SLC24A2: variants seen among roughly 807,000 people sequenced by gnomAD.
SLC24A2 encodes sodium/potassium/calcium exchanger 2.
Under a neutral mutation model 62.0 loss-of-function variants are expected in SLC24A2, and 36 were observed. The ratio of observed to expected loss-of-function variants is 0.58; its 90% CI spans 0.44 to 0.77. SLC24A2 has a LOEUF of 0.77. Ranked by LOEUF, SLC24A2 falls within the 30% of genes least tolerant of loss-of-function variation. The pLI, the probability that SLC24A2 is intolerant of heterozygous loss-of-function variation, is 0.00. For missense variants in SLC24A2, 846 were observed against 817.9 expected, an observed-to-expected ratio of 1.03 and a Z score of -0.42; for synonymous variants, 358 against 294.0, an observed-to-expected ratio of 1.22 and a Z score of -2.23.
the SLC24A2 span, among the ~76,000 whole-genome samples, chr9:20,108,038 G>A: frequency 2.0e-5 from 3 of 152,196 alleles, no homozygotes; most frequent in African/African-American, 7.2e-5. Context: ...AGTGGTTGAA[G>A]GACATGAACA....
the SLC24A2 span, among the ~76,000 whole-genome samples, chr9:19,933,282 A>G: frequency 6.6e-6 from 1 of 152,232 alleles, no homozygotes; most frequent in African/African-American, 2.4e-5. Flanking sequence ...CACATACTCA[A>G]ACAATTCTAT....
the SLC24A2 span, among the ~76,000 whole-genome samples, chr9:19,849,705 T>C: frequency 6.6e-6 from 1 of 152,200 alleles, no homozygotes; most frequent in Non-Finnish European, 1.5e-5. Flanking sequence ...AGACTTTCTG[T>C]CATGTATCCA....
the SLC24A2 span, chr9:19,929,574 C>T: frequency 6.6e-6 from 1 of 152,160 alleles, no homozygotes; most frequent in African/African-American, 2.4e-5. Context: ...CATACAATTA[C>T]ATACAGTACG....
chr9:19,731,736 T>C (rs541909477), intron 2 of SLC24A2, among the ~76,000 whole-genome samples: 31 of 152,346 alleles, frequency 2.0e-4, no homozygotes, highest in African/African-American at 6.5e-4. Flanking sequence ...GACTAATACA[T>C]GTAGCATAGG....
the SLC24A2 span, chr9:19,896,048 G>A: frequency 8.5e-6 from 11 of 1,291,990 alleles, no homozygotes; most frequent in South Asian, 1.2e-4. Context: ...TTGCCTCTGG[G>A]ATGCCTTGCT....
chr9:19,564,827 C>A (rs528704628), intron 7 of SLC24A2, among the ~76,000 whole-genome samples: 1 of 152,114 alleles, frequency 6.6e-6, no homozygotes, highest in South Asian at 2.1e-4. Flanking sequence ...TCATTGTGAG[C>A]GTATTTAAAT....
chr9:19,568,510 T>C (rs1045207028), intron 7 of SLC24A2, among the ~76,000 whole-genome samples: 1 of 152,246 alleles, frequency 6.6e-6, no homozygotes, highest in Non-Finnish European at 1.5e-5. Context: ...GCAGTGCTTA[T>C]AATGTGCCAA....
At chr9:19,954,171 C>G in the SLC24A2 span, among the ~76,000 whole-genome samples, 1 of 152,180 alleles carries the variant, frequency 6.6e-6, no homozygotes, top group African/African-American at 2.4e-5. Context: ...TGTATTTAAA[C>G]ATGATTTTAC....
At chr9:19,565,402 T>C (rs1312801165) in intron 7 of SLC24A2, among the ~76,000 whole-genome samples, 1 of 150,196 alleles carries the variant, frequency 6.7e-6, no homozygotes, top group African/African-American at 2.5e-5. Context: ...GGAATCCAAC[T>C]TACAAGGGAT....
chr9:20,189,092 T>TC, the SLC24A2 span, among the ~76,000 whole-genome samples: 59,011 of 142,608 alleles, frequency 0.41, 12,984 homozygotes, highest in African/African-American at 0.6. Flanking sequence ...TTTTTTTTTT[T>TC]CCCAGTTGAT....
At chr9:19,577,855 T>A (rs959852128) in intron 5 of SLC24A2, among the ~76,000 whole-genome samples, 29 of 148,272 alleles carry the variant, frequency 2.0e-4, no homozygotes, top group African/African-American at 6.4e-4. Flanking sequence ...ATATATAAAA[T>A]ATATATATAA....
intron 2 of SLC24A2, among the ~76,000 whole-genome samples, chr9:19,721,613 A>C (rs892653931): frequency 1.3e-5 from 2 of 152,168 alleles, no homozygotes; most frequent in African/African-American, 4.8e-5. Flanking sequence ...AAATCTTAAA[A>C]GCATTAAAAT....
At chr9:20,142,917 G>A in the SLC24A2 span, among the ~76,000 whole-genome samples, 1 of 152,094 alleles carries the variant, frequency 6.6e-6, no homozygotes, top group African/African-American at 2.4e-5. Flanking sequence ...TATACGACCT[G>A]AAGAAGGAAG....
the SLC24A2 span, among the ~76,000 whole-genome samples, chr9:20,041,920 C>T: frequency 3.3e-5 from 5 of 152,232 alleles, no homozygotes; most frequent in African/African-American, 4.8e-5. Flanking sequence ...GGCTTGCTGC[C>T]GAGAGCCCCC....
At chr9:19,996,968 G>A in the SLC24A2 span, among the ~76,000 whole-genome samples, 1 of 151,768 alleles carries the variant, frequency 6.6e-6, no homozygotes, top group Non-Finnish European at 1.5e-5. Flanking sequence ...TGAAGTAAAG[G>A]AGAACAAGAC....
chr9:20,242,474 G>C, the SLC24A2 span, among the ~76,000 whole-genome samples: 1 of 152,304 alleles, frequency 6.6e-6, no homozygotes. Context: ...GTTCAGAATT[G>C]TCCTCCAAAT....
At chr9:20,208,972 C>T in the SLC24A2 span, among the ~76,000 whole-genome samples, 8 of 152,198 alleles carry the variant, frequency 5.3e-5, no homozygotes, top group African/African-American at 1.4e-4. Context: ...GTTCAAACTA[C>T]GGCTCAACTG....
the SLC24A2 span, among the ~76,000 whole-genome samples, chr9:19,886,838 G>A: frequency 1.3e-5 from 2 of 152,222 alleles, no homozygotes; most frequent in African/African-American, 4.8e-5. Context: ...TGAATAAAAT[G>A]TGGTACATAT....
chr9:20,091,953 G>T, the SLC24A2 span, among the ~76,000 whole-genome samples: 1 of 152,164 alleles, frequency 6.6e-6, no homozygotes, highest in East Asian at 1.9e-4. Flanking sequence ...AACATGGATG[G>T]AGCTGGAGGA....
Sources: gnomAD v4.1 joint callset for allele counts (sites outside exome capture counted in the v4.1 genomes callset) on GRCh38, gnomAD v4.1.1 for gene constraint, MANE v1.5 for transcripts, NCBI Gene and HGNC (gene_info 2026-07-23, HGNC 2026-07-21) for gene names.